Variants in TBC1D5 observed in about 807,000 individuals in gnomAD.
TBC1D5 encodes TBC1 domain family, member 5.
Under a neutral mutation model 100.3 loss-of-function variants are expected in TBC1D5, and 75 were observed. The ratio of observed to expected loss-of-function variants is 0.75; its 90% CI spans 0.62 to 0.91. The LOEUF is 0.91. TBC1D5 is among the 40% of genes least tolerant of loss of function. The pLI is 0.00. For missense variants in TBC1D5, 910 were observed against 942.4 expected (o/e 0.97, Z 0.45); for synonymous variants, 323 against 325.6 (o/e 0.99, Z 0.09).
At chr3:17,706,373 A>C (rs1041189028) in intron 1 of TBC1D5, 1 of 1,152,474 alleles carries the variant, frequency 8.7e-7, no homozygotes, top group Admixed American at 2.8e-5. Context: ...AGCTAATCTA[A>C]TAAATTCCTA....
At chr3:17,238,669 T>C (rs41285051) in intron 16 of TBC1D5, among the ~76,000 whole-genome samples, 26 of 152,334 alleles carry the variant, frequency 1.7e-4, no homozygotes, top group Non-Finnish European at 3.2e-4. Flanking sequence ...CTAACCCTGC[T>C]GGGTTATGAG....
At chr3:17,596,963 T>A (rs2060614904) in intron 2 of TBC1D5, among the ~76,000 whole-genome samples, 1 of 152,208 alleles carries the variant, frequency 6.6e-6, no homozygotes, top group Non-Finnish European at 1.5e-5. Context: ...GGTCTGGCAA[T>A]AATGTTCTGG....
rs575908825 is a variant in TBC1D5 at position 17,395,061 on chromosome 3, T to A, written c.509+8120A>T. On this transcript the variant is annotated intron_variant, in intron 8 of 21. Transcript: ENST00000253692. ...AGGAAGGTGGAGTAAGAAATCACCA[T>A]ACAGTTGAGAAGATTAAGCAAAAAC... is the stretch of plus-strand genomic sequence containing the variant. Among the ~76,000 whole-genome samples the A allele has an allele frequency of 4.6e-5, 7 of 151,892 alleles. No individual in the cohort carries two copies. In the East Asian group the frequency reaches 1.4e-3, roughly 29 times the overall value.
chr3:17,667,181 T>C (rs1356654336), intron 1 of TBC1D5, among the ~76,000 whole-genome samples: 1 of 152,186 alleles, frequency 6.6e-6, no homozygotes, highest in Non-Finnish European at 1.5e-5. Flanking sequence ...AAAACAAGCC[T>C]ACTAAGCTAT....
chr3:17,656,241 G>A (rs1476010388), intron 1 of TBC1D5, among the ~76,000 whole-genome samples: 1 of 152,210 alleles, frequency 6.6e-6, no homozygotes, highest in East Asian at 1.9e-4. Context: ...CGGACATTGG[G>A]TTGGCACCAG....
intron 13 of TBC1D5, among the ~76,000 whole-genome samples, chr3:17,325,678 G>T (rs1370415827): frequency 1.3e-5 from 2 of 152,106 alleles, no homozygotes; most frequent in African/African-American, 4.8e-5. Context: ...GAATTAAAAG[G>T]CTACATACAT....
chr3:17,733,791 C>T (rs1012741108), intron 1 of TBC1D5, among the ~76,000 whole-genome samples: 2 of 151,262 alleles, frequency 1.3e-5, no homozygotes, highest in Non-Finnish European at 2.9e-5. Context: ...TGGCTGGCTC[C>T]AGATGGTATG....
chr3:17,447,451 C>A (rs1361803814), intron 3 of TBC1D5, among the ~76,000 whole-genome samples: 3 of 151,948 alleles, frequency 2.0e-5, no homozygotes, highest in Admixed American at 2.0e-4. Context: ...GGGATCTAGG[C>A]CACAGGTAGA....
At chr3:17,404,747 C>T (rs1559813596) in exon 7 of TBC1D5, 5 of 1,608,344 alleles carry the variant, frequency 3.1e-6, no homozygotes, top group South Asian at 2.2e-5. Flanking sequence ...TGGCCAACAA[C>T]CTTCCTCGGG....
chr3:17,510,675 G>A lies in TBC1D5; in HGVS notation c.-35-2070C>T, dbSNP rs545788748. Among the ~76,000 whole-genome samples, 7 of 152,012 alleles carry A rather than the reference G, an allele frequency of 4.6e-5. No homozygotes were observed. The East Asian group carries it at 7.7e-4, about 17-fold the overall frequency. On this transcript the variant is annotated intron_variant, in intron 2 of 21. Transcript: ENST00000253692. ...ACAAATAAATAAATTCAGAACCAAC[G>A]TCCTCTACTATGGAGCAGTCACCAA...
At chr3:17,689,740 C>T (rs768325765) in intron 1 of TBC1D5, among the ~76,000 whole-genome samples, 1 of 152,076 alleles carries the variant, frequency 6.6e-6, no homozygotes, top group Non-Finnish European at 1.5e-5. Context: ...GAAGACACTG[C>T]CCCCAGGGGA....
At chr3:17,427,134 C>T (rs2094352811) in intron 4 of TBC1D5, among the ~76,000 whole-genome samples, 1 of 151,900 alleles carries the variant, frequency 6.6e-6, no homozygotes, top group Non-Finnish European at 1.5e-5. Flanking sequence ...AGCATTTGGA[C>T]AATTCCAATA....
chr3:17,446,970 CAA>C (rs559803528), intron 3 of TBC1D5, among the ~76,000 whole-genome samples: 5 of 124,144 alleles, frequency 4.0e-5, no homozygotes, highest in Non-Finnish European at 1.8e-5. Flanking sequence ...GACTCCAACT[CAA>C]AAAAAAAAAA....
At chr3:17,519,648 A>C (rs906861476) in intron 2 of TBC1D5, among the ~76,000 whole-genome samples, 3 of 152,212 alleles carry the variant, frequency 2.0e-5, no homozygotes, top group Admixed American at 1.3e-4. Flanking sequence ...ACTTGCAAAA[A>C]TCATTTATTC....
intron 1 of TBC1D5, among the ~76,000 whole-genome samples, chr3:17,661,018 T>C (rs754268081): frequency 2.6e-5 from 4 of 152,184 alleles, no homozygotes; most frequent in Non-Finnish European, 5.9e-5. Flanking sequence ...GACCACTTAA[T>C]AGACAAATAA....
chr3:17,611,925 C>G (rs746663618), intron 2 of TBC1D5, among the ~76,000 whole-genome samples: 66 of 151,178 alleles, frequency 4.4e-4, no homozygotes, highest in Non-Finnish European at 8.4e-4. Flanking sequence ...AGGAACAATG[C>G]AAGGATGCCC....
intron 13 of TBC1D5, among the ~76,000 whole-genome samples, chr3:17,337,123 G>GT (rs11328091): frequency 0.37 from 42,857 of 115,996 alleles, 8,335 homozygotes; most frequent in Middle Eastern, 0.46. Context: ...TATCTGAGAG[G>GT]TTTTTTTTTT....
intron 17 of TBC1D5, among the ~76,000 whole-genome samples, chr3:17,236,004 G>C (rs527950439): frequency 6.5e-4 from 99 of 152,108 alleles, no homozygotes; most frequent in African/African-American, 2.4e-3. Flanking sequence ...ACAGGGATCA[G>C]TTAAAATGCC....
chr3:17,700,867 T>C (rs1306053831), intron 1 of TBC1D5, among the ~76,000 whole-genome samples: 1 of 152,044 alleles, frequency 6.6e-6, no homozygotes, highest in Non-Finnish European at 1.5e-5. Context: ...TAGGAACACT[T>C]TTACACTGTT....
Sources: allele counts gnomAD v4.1 joint callset (sites outside exome capture counted in the v4.1 genomes callset), GRCh38; gene constraint gnomAD v4.1.1; transcripts MANE v1.5; gene names NCBI Gene and HGNC (gene_info 2026-07-23, HGNC 2026-07-21).